The following ZNF804B variants were observed in gnomAD, a reference collection of about 807,000 sequenced individuals.
ZNF804B encodes zinc finger protein 804B.
In ZNF804B, 80 loss-of-function variants were observed where a neutral mutation model predicts 101.4. The observed-to-expected ratio is 0.79, with a 90% CI of 0.66 to 0.95. ZNF804B has a LOEUF of 0.95. Ranked by LOEUF, ZNF804B falls within the 40% of genes least tolerant of loss-of-function variation. ZNF804B has a pLI of 0.00. For synonymous variants in ZNF804B, 622 were observed against 558.8 expected, an observed-to-expected ratio of 1.11 and a Z score of -1.59; for missense variants, 1,673 against 1,561.9, an observed-to-expected ratio of 1.07 and a Z score of -1.20.
intron 1 of ZNF804B, among the ~76,000 whole-genome samples, chr7:88,903,348 C>T (rs1792420499): frequency 6.6e-6 from 1 of 152,116 alleles, no homozygotes; most frequent in African/African-American, 2.4e-5. Context: ...TTTATCCAGT[C>T]CACCATTGAT....
chr7:89,019,549 T>C (rs959444513), intron 1 of ZNF804B, among the ~76,000 whole-genome samples: 1 of 152,090 alleles, frequency 6.6e-6, no homozygotes, highest in Non-Finnish European at 1.5e-5. Flanking sequence ...TCTGTATAGA[T>C]GAGCTATCCA....
chr7:88,776,137 C>G (rs1790136618), intron 1 of ZNF804B, among the ~76,000 whole-genome samples: 1 of 152,132 alleles, frequency 6.6e-6, no homozygotes, highest in South Asian at 2.1e-4. Flanking sequence ...AGTGAATGAG[C>G]TAATTAATGT....
chr7:88,891,521 C>A (rs1792214312), intron 1 of ZNF804B, among the ~76,000 whole-genome samples: 1 of 151,948 alleles, frequency 6.6e-6, no homozygotes. Context: ...ATCTCTTTAA[C>A]TTGAAGTATT....
chr7:89,031,939 A>G (rs2373834), intron 1 of ZNF804B, among the ~76,000 whole-genome samples: 128,405 of 152,010 alleles, frequency 0.84, 54,657 homozygotes, highest in African/African-American at 0.95. Context: ...TTTCATATTG[A>G]CAAATGCTTA....
chr7:88,961,765 G>T (rs1472306707), intron 1 of ZNF804B, among the ~76,000 whole-genome samples: 1 of 151,246 alleles, frequency 6.6e-6, no homozygotes, highest in African/African-American at 2.4e-5. Context: ...AAAAAGTAAA[G>T]AAAAATGATG....
intron 1 of ZNF804B, among the ~76,000 whole-genome samples, chr7:89,180,310 A>G (rs576227104): frequency 4.1e-4 from 62 of 152,144 alleles, no homozygotes; most frequent in Non-Finnish European, 5.7e-4. Flanking sequence ...AGTCAGGAAC[A>G]TTAGGAATTT....
At chr7:89,284,549 A>G (rs1047473225) in intron 2 of ZNF804B, among the ~76,000 whole-genome samples, 1 of 152,200 alleles carries the variant, frequency 6.6e-6, no homozygotes, top group Middle Eastern at 3.2e-3. Context: ...AGAAAGAAAG[A>G]AAAGGAAACT....
At chr7:89,151,294 G>A (rs942210376) in intron 1 of ZNF804B, among the ~76,000 whole-genome samples, 1 of 151,920 alleles carries the variant, frequency 6.6e-6, no homozygotes, top group African/African-American at 2.4e-5. Flanking sequence ...AACAGGAATT[G>A]TATTGCTTTT....
At chr7:89,104,545 T>C (rs75894145) in intron 1 of ZNF804B, among the ~76,000 whole-genome samples, 2,989 of 152,186 alleles carry the variant, frequency 0.02, 43 homozygotes, top group South Asian at 0.031. Flanking sequence ...TTCATAGTAG[T>C]CTCTGATGAT....
intron 1 of ZNF804B, among the ~76,000 whole-genome samples, chr7:88,861,200 G>T (rs1385706003): frequency 1.3e-5 from 2 of 152,150 alleles, no homozygotes; most frequent in Admixed American, 1.3e-4. Context: ...TAAATGAGAA[G>T]TATTGTAATT....
intron 2 of ZNF804B, among the ~76,000 whole-genome samples, chr7:89,315,225 G>T (rs1790707359): frequency 6.6e-6 from 1 of 152,078 alleles, no homozygotes; most frequent in Admixed American, 6.6e-5. Flanking sequence ...CTATGATGAG[G>T]ACAGCACCAA....
chr7:88,963,399 C>T (rs1229480120), intron 1 of ZNF804B, among the ~76,000 whole-genome samples: 1 of 151,140 alleles, frequency 6.6e-6, no homozygotes, highest in African/African-American at 2.4e-5. Flanking sequence ...TAAAAGTGCC[C>T]AAACTTTTCA....
intron 1 of ZNF804B, among the ~76,000 whole-genome samples, chr7:88,983,126 A>C (rs1793715217): frequency 1.3e-5 from 2 of 152,086 alleles, no homozygotes; most frequent in Non-Finnish European, 2.9e-5. Flanking sequence ...ACCAATGCTC[A>C]GACCCTCAGA....
chr7:89,006,805 A>G (rs1485366581), intron 1 of ZNF804B, among the ~76,000 whole-genome samples: 5 of 152,200 alleles, frequency 3.3e-5, no homozygotes, highest in Non-Finnish European at 7.4e-5. Context: ...TCCTCTGCAA[A>G]TGTAGATTAA....
chr7:88,982,007 A>T (rs555901364), intron 1 of ZNF804B, among the ~76,000 whole-genome samples: 16 of 151,692 alleles, frequency 1.1e-4, no homozygotes, highest in Middle Eastern at 3.4e-3. Flanking sequence ...ATAGTTATTC[A>T]GTTTGTTTTT....
chr7:89,184,261 T>C (rs1788341581), intron 1 of ZNF804B, among the ~76,000 whole-genome samples: 1 of 152,156 alleles, frequency 6.6e-6, no homozygotes, highest in Admixed American at 6.6e-5. Context: ...CTAATTTAAA[T>C]ACATTTCTAG....
intron 1 of ZNF804B, among the ~76,000 whole-genome samples, chr7:88,769,004 C>T (rs1790024708): frequency 6.6e-6 from 1 of 152,170 alleles, no homozygotes; most frequent in Non-Finnish European, 1.5e-5. Context: ...TAGTGCTTGA[C>T]ATTCATTGAG....
intron 1 of ZNF804B, among the ~76,000 whole-genome samples, chr7:88,946,198 A>C (rs1186621715): frequency 6.6e-6 from 1 of 152,036 alleles, no homozygotes; most frequent in Non-Finnish European, 1.5e-5. Context: ...ACTTTTGCCC[A>C]TTCAGTATCA....
At chr7:88,833,124 C>A (rs1020249263) in intron 1 of ZNF804B, among the ~76,000 whole-genome samples, 1 of 149,188 alleles carries the variant, frequency 6.7e-6, no homozygotes, top group African/African-American at 2.5e-5. Context: ...ATTTTATATC[C>A]TCTTTCAATA....
Sources: gnomAD v4.1 joint callset for allele counts (sites outside exome capture counted in the v4.1 genomes callset) on GRCh38, gnomAD v4.1.1 for gene constraint, MANE v1.5 for transcripts, NCBI Gene and HGNC (gene_info 2026-07-23, HGNC 2026-07-21) for gene names.